Variants in TMSB15A observed in about 807,000 individuals in gnomAD.
TMSB15A encodes thymosin beta-15A.
A neutral mutation model predicts 3.2 loss-of-function variants in TMSB15A; 1 was observed. The ratio of observed to expected loss-of-function variants is 0.32; its 90% CI spans 0.11 to 1.50. TMSB15A has a LOEUF of 1.50. Among genes scored for constraint, TMSB15A ranks in the 40% most tolerant of loss-of-function variants. TMSB15A has a pLI of 0.39. For missense variants in TMSB15A, 22 were observed against 27.8 expected, an observed-to-expected ratio of 0.79 and a Z score of 0.47; for synonymous variants, 10 against 11.2, an observed-to-expected ratio of 0.90 and a Z score of 0.21.
intron 1 of TMSB15A, among the ~76,000 whole-genome samples, chrX:102,515,475 T>G (rs1003016151): frequency 8.1e-5 from 9 of 110,982 alleles, no homozygotes; most frequent in African/African-American, 2.6e-4. Context: ...ACAGCAAGGG[T>G]AAAATGGAGG....
rs1556403213 is a variant in TMSB15A at position 102,514,031 on chromosome X, T to C, written c.*56A>G. 8.4e-7 allele frequency: 1 copy of C among 1,189,403 alleles called. No homozygotes were observed. Among genetic ancestry groups the C allele is most frequent in the African/African-American group, 1.8e-5 (1 of 56,809 alleles). On this transcript the variant is annotated 3_prime_UTR_variant, in exon 3 of 3. Transcript: ENST00000289373. ...CACATGGGTTTACAAAAAACAAGCC[T>C]AAAATCAAGACTCTCAGGTAATGTC...
At position 102,513,819 on chromosome X, in the gene TMSB15A, T is replaced by G. The variant is rs927688211; in HGVS notation, c.*268A>C. On this transcript the variant is annotated 3_prime_UTR_variant, in exon 3 of 3. Coordinates refer to ENST00000289373, the MANE Select transcript of TMSB15A (RefSeq NM_021992.3). Reference sequence around the variant, plus strand: ...AGCAGGTTAAAACAGGCTTATCCAGTATAGGATGCAAGAACTACATACACA... The same window carrying G: ...AGCAGGTTAAAACAGGCTTATCCAGGATAGGATGCAAGAACTACATACACA... 1.1e-5 allele frequency: 4 copies of G among 377,080 alleles called. No individual in the cohort carries two copies. The Admixed American group carries it at 1.7e-4, about 16-fold the overall frequency. The allele number at this position is 377,080 out of a possible 1,213,427, so 31.1% of individuals were successfully genotyped here.
Position 102,514,595 on chromosome X carries a change from T to C in TMSB15A, c.100+469A>G, listed in dbSNP as rs369253875. Among the ~76,000 whole-genome samples the C allele has an allele frequency of 1.5e-4, 17 of 111,556 alleles. 3 individuals are homozygous for C. The highest frequency in any genetic ancestry group is 8.6e-4 in the East Asian group (3 of 3,505). On this transcript the variant is annotated intron_variant, in intron 2 of 2. Transcript: ENST00000289373. ...AGGGCAAAACTGATCACTTATCCCT[T>C]GAGTCTGTGAGCCCTACGTGCACCC...
At chrX:102,516,470 C>A (rs1281758478) in intron 1 of TMSB15A, among the ~76,000 whole-genome samples, 196 bp downstream of exon 1, 1 of 112,671 alleles carries the variant, frequency 8.9e-6, no homozygotes, top group African/African-American at 3.2e-5. Flanking sequence ...CAGGAGGGCT[C>A]GGCATCGAGC....
intron 1 of TMSB15A, among the ~76,000 whole-genome samples, chrX:102,515,928 T>C (rs1375529832): frequency 9.0e-6 from 1 of 111,504 alleles, no homozygotes; most frequent in Non-Finnish European, 1.9e-5. Flanking sequence ...CCTGACGAAA[T>C]GCCTGGTGCC....
intron 1 of TMSB15A, among the ~76,000 whole-genome samples, chrX:102,516,329 G>T (rs1194713727): frequency 8.8e-6 from 1 of 113,083 alleles, no homozygotes; most frequent in Non-Finnish European, 1.9e-5. Context: ...GCCCCAGGGG[G>T]CCCATTCCGG....
intron 1 of TMSB15A, among the ~76,000 whole-genome samples, chrX:102,515,877 G>C (rs1934890302): frequency 8.9e-6 from 1 of 111,788 alleles, no homozygotes; most frequent in African/African-American, 3.3e-5. Context: ...TCTGCAAAGA[G>C]AGAGGTAAAG....
intron 1 of TMSB15A, 60 bp from the exon 2 acceptor site, chrX:102,515,240 G>A: frequency 9.6e-7 from 1 of 1,036,317 alleles, no homozygotes; most frequent in Non-Finnish European, 1.3e-6. Flanking sequence ...CGGACTAAGG[G>A]GTCACAAGCA....
In TMSB15A at chrX:102,515,143, C is replaced by T; in HGVS notation, c.21G>A (p.Leu7=). The part of the protein sequence containing the change: MSDKPD[L]SEVEKFDRSK... ...ACCTGTCAAACTTCTCCACTTCCGA[C>T]AAGTCTGGCTTATCACTCATCTTGA... The change falls in exon 2 of 3, where the codon TTG becomes TTA. Residue 7 remains leucine, a synonymous_variant. Coordinates refer to ENST00000289373, the MANE Select transcript of TMSB15A (RefSeq NM_021992.3). 8.3e-7 allele frequency: 1 copy of T among 1,211,198 alleles called. No individual in the cohort carries two copies. The highest frequency in any genetic ancestry group is 1.1e-6 in the Non-Finnish European group (1 of 895,366).
Position 102,515,164 on chromosome X carries a change from C to G in TMSB15A, c.-1G>C. ...CCGACAAGTCTGGCTTATCACTCAT[C>G]TTGACTAGAAGATAGCCTGAAAAGA... On this transcript the variant is annotated 5_prime_UTR_variant, in exon 2 of 3. Transcript: ENST00000289373. 8.3e-7 allele frequency: 1 copy of G among 1,209,683 alleles called. No individual in the cohort carries two copies. Among genetic ancestry groups the G allele is most frequent in the Non-Finnish European group, 1.1e-6 (1 of 894,552 alleles).
chrX:102,515,365 T>G (rs1934882822), intron 1 of TMSB15A, among the ~76,000 whole-genome samples, 185 bp from the exon 2 acceptor site: 1 of 111,850 alleles, frequency 8.9e-6, no homozygotes, highest in Admixed American at 9.5e-5. Context: ...CTCCACATCA[T>G]TAGCCCATTT....
chrX:102,514,194 C>T, intron 2 of TMSB15A, 70 bp from the exon 3 acceptor site: 1 of 1,152,164 alleles, frequency 8.7e-7, no homozygotes, highest in African/African-American at 1.8e-5. Flanking sequence ...TTCAAAAGAG[C>T]TCCTTGCTAA....
chrX:102,515,050 C>T lies in TMSB15A; in HGVS notation c.100+14G>A. 8.3e-7 allele frequency: 1 copy of T among 1,205,230 alleles called. No homozygotes were observed. The highest frequency in any genetic ancestry group is 3.0e-5 in the East Asian group (1 of 33,737). On this transcript the variant is annotated intron_variant, in intron 2 of 2. Transcript: ENST00000289373. ...CTCTACTGTGTGTTTCCACTAGAACCCCCCATGACTTACTTTCCTTTGAGG... is the reference window on the plus strand; with the variant it reads ...CTCTACTGTGTGTTTCCACTAGAACTCCCCATGACTTACTTTCCTTTGAGG...
At chrX:102,515,589 C>T (rs910440394) in intron 1 of TMSB15A, among the ~76,000 whole-genome samples, 1 of 109,880 alleles carries the variant, frequency 9.1e-6, no homozygotes, top group Non-Finnish European at 1.9e-5. Flanking sequence ...AGCATCTTCA[C>T]TTTCTATTAA....
chrX:102,514,925 T>G (rs1934877563), intron 2 of TMSB15A, 139 bp downstream of exon 2: 1 of 605,288 alleles, frequency 1.7e-6, no homozygotes, highest in East Asian at 3.4e-5. Context: ...TATTTGATGT[T>G]TTTAACTGTT....
intron 2 of TMSB15A, 103 bp from the exon 3 acceptor site, chrX:102,514,227 C>A: frequency 1.0e-6 from 1 of 973,500 alleles, no homozygotes; most frequent in Non-Finnish European, 1.5e-6. Context: ...TGCATACATG[C>A]CTTAAATTTA....
intron 1 of TMSB15A, 83 bp from the exon 2 acceptor site, chrX:102,515,263 T>C (rs1313631712): frequency 3.6e-6 from 3 of 837,977 alleles, no homozygotes; most frequent in Non-Finnish European, 5.1e-6. Flanking sequence ...AATTTTCATA[T>C]TTCATATCAA....
chrX:102,515,871 C>A (rs1003541613), intron 1 of TMSB15A, among the ~76,000 whole-genome samples: 6 of 111,557 alleles, frequency 5.4e-5, no homozygotes, highest in Non-Finnish European at 1.1e-4. Flanking sequence ...GTTTTCTCTG[C>A]AAAGAGAGAG....
At chrX:102,516,286 A>C (rs782726299) in intron 1 of TMSB15A, among the ~76,000 whole-genome samples, 7 of 113,108 alleles carry the variant, frequency 6.2e-5, no homozygotes, top group African/African-American at 2.2e-4. Flanking sequence ...CGCCCAGCCT[A>C]ACGGCCACGG....
Sources: allele counts gnomAD v4.1 joint callset (sites outside exome capture counted in the v4.1 genomes callset), GRCh38; gene constraint gnomAD v4.1.1; transcripts MANE v1.5; gene names NCBI Gene and HGNC (gene_info 2026-07-23, HGNC 2026-07-21).